The following ANK1 variants were observed in gnomAD, a reference collection of about 807,000 sequenced individuals.
ANK1 encodes the protein ankyrin-1.
In ANK1, 51 loss-of-function variants were observed where a neutral mutation model predicts 210.4. The ratio of observed to expected loss-of-function variants is 0.24; its 90% CI spans 0.19 to 0.31. ANK1 has a LOEUF of 0.31. ANK1 is among the 10% of genes least tolerant of loss of function. The pLI is 1.00. For synonymous variants in ANK1, 967 were observed against 1,025.9 expected, an observed-to-expected ratio of 0.94 and a Z score of 1.10; for missense variants, 2,051 against 2,504.4, an observed-to-expected ratio of 0.82 and a Z score of 3.86.
chr8:41,684,440 G>C, intron 37 of ANK1, 104 bp downstream of exon 37: 1 of 1,538,178 alleles, frequency 6.5e-7, no homozygotes, highest in Non-Finnish European at 8.9e-7. Context: ...ATGGGAGGCA[G>C]AGCGGGCTTT....
In ANK1 at chr8:41,700,324, G is replaced by T. The variant is rs1822390658; in HGVS notation, c.2462-776C>A. The stretch of plus-strand genomic sequence containing the variant: ...AGCTCCTGGCTCCAGCTTATTAGCT[G>T]TCAGAGGAAGATGGAAAGCAGGAAT... On this transcript the variant is annotated intron_variant, in intron 22 of 42. Coordinates refer to ENST00000289734, the MANE Select transcript of ANK1 (RefSeq NM_000037.4). 11 of 1,265,190 alleles carry T rather than the reference G, an allele frequency of 8.7e-6. No individual in the cohort carries two copies. In the South Asian group the frequency reaches 1.4e-4, roughly 16 times the overall value. The allele number at this position is 1,265,190 out of a possible 1,614,324, so 78.4% of individuals were successfully genotyped here.
At chr8:41,838,418 A>G (rs754688138) in intron 1 of ANK1, among the ~76,000 whole-genome samples, 4 of 152,226 alleles carry the variant, frequency 2.6e-5, no homozygotes, top group Non-Finnish European at 5.9e-5. Flanking sequence ...ATTAATAGTA[A>G]GCACTTACCG....
chr8:41,710,097 T>C (rs1426086559), intron 16 of ANK1, among the ~76,000 whole-genome samples: 2 of 151,822 alleles, frequency 1.3e-5, no homozygotes, highest in African/African-American at 4.8e-5. Context: ...ATTATTATTA[T>C]TGATAGCAAG....
Position 41,654,131 on chromosome 8 carries a change from G to A in ANK1, c.*1659C>T, listed in dbSNP as rs1346139658. 1 of 152,530 alleles carries A rather than the reference G, an allele frequency of 6.6e-6. No homozygotes were observed. Among genetic ancestry groups the A allele is most frequent in the Non-Finnish European group, 1.5e-5 (1 of 68,008 alleles). The allele number at this position is 152,530 out of a possible 1,614,324, so 9.4% of individuals were successfully genotyped here. On this transcript the variant is annotated 3_prime_UTR_variant, in exon 43 of 43. Transcript: ENST00000289734. ...GTCCACACCGCGGCTCCAGGGGCGA[G>A]AGGAGCCAGCCCTGTCTCTCTCTCC...
chr8:41,680,042 C>T (rs1456666414), intron 37 of ANK1, among the ~76,000 whole-genome samples: 1 of 152,062 alleles, frequency 6.6e-6, no homozygotes, highest in Non-Finnish European at 1.5e-5. Context: ...ATATTCAGTC[C>T]CTGTTATCCT....
intron 2 of ANK1, among the ~76,000 whole-genome samples, chr8:41,753,438 A>T (rs1382590134): frequency 1.3e-5 from 2 of 151,326 alleles, no homozygotes; most frequent in Non-Finnish European, 2.9e-5. Flanking sequence ...CCTTCCCCTC[A>T]GTCAGCAACT....
At chr8:41,808,532 G>A (rs1464430212) in intron 1 of ANK1, among the ~76,000 whole-genome samples, 1 of 152,034 alleles carries the variant, frequency 6.6e-6, no homozygotes, top group Non-Finnish European at 1.5e-5. Context: ...AGGTGTGGTG[G>A]CGGCCACCTG....
chr8:41,737,483 C>G lies in ANK1; in HGVS notation c.130-3414G>C, dbSNP rs1833718514. On this transcript the variant is annotated intron_variant, in intron 2 of 42. Coordinates refer to ENST00000289734, the MANE Select transcript of ANK1 (RefSeq NM_000037.4). ...ATCTGCAGAAAACCCCCTTTCTTCTCTTCCTGGGTCCCATGCCTCCCTCGC... is the reference window on the plus strand; with the variant it reads ...ATCTGCAGAAAACCCCCTTTCTTCTGTTCCTGGGTCCCATGCCTCCCTCGC... 2.6e-5 allele frequency among the ~76,000 whole-genome samples: 4 copies of G among 152,196 alleles called. No individual in the cohort carries two copies. In the South Asian group the frequency reaches 8.3e-4, roughly 32 times the overall value.
In ANK1 at chr8:41,717,583, C is replaced by T. The variant is rs1432243965; in HGVS notation, c.1305+21G>A. On this transcript the variant is annotated intron_variant, in intron 12 of 42. Coordinates refer to ENST00000289734, the MANE Select transcript of ANK1 (RefSeq NM_000037.4). ...AGCTCTTGGTCTAGGGGAGCAAGCC[C>T]CTGCCTGCCTGAGGGCTTACCACGT... The T allele has an allele frequency of 1.3e-5, 20 of 1,548,196 alleles. No homozygotes were observed. In the Admixed American group the frequency reaches 3.5e-4, roughly 27 times the overall value.
intron 1 of ANK1, among the ~76,000 whole-genome samples, chr8:41,880,398 G>C (rs1476013985): frequency 6.6e-6 from 1 of 152,200 alleles, no homozygotes; most frequent in Non-Finnish European, 1.5e-5. Context: ...AATTATTTCT[G>C]TTTAATAAAG....
At chr8:41,715,557 G>A in intron 14 of ANK1, 95 bp downstream of exon 14, 1 of 1,471,762 alleles carries the variant, frequency 6.8e-7, no homozygotes, top group Non-Finnish European at 9.3e-7. Flanking sequence ...CATCATTGAG[G>A]TGACAAAGAG....
At chr8:41,803,336 C>A (rs6999814) in intron 1 of ANK1, 120,734 of 152,074 alleles carry the variant, frequency 0.79, 48,998 homozygotes, top group African/African-American at 0.9. Context: ...ATGAGGTCTC[C>A]TAGTTTGTCC....
At chr8:41,896,578 C>A in exon 1 of ANK1, 1 of 1,429,960 alleles carries the variant, frequency 7.0e-7, no homozygotes, top group Non-Finnish European at 9.2e-7. Context: ...GTCTCTGCTC[C>A]ACAGAGGGGA....
intron 37 of ANK1, among the ~76,000 whole-genome samples, chr8:41,684,072 CT>C (rs1205012587): frequency 1.3e-5 from 2 of 152,364 alleles, no homozygotes; most frequent in Non-Finnish European, 2.9e-5. Context: ...TCCAGTTAAA[CT>C]GCACTAGACC....
chr8:41,772,737 G>A (rs1156805793), intron 1 of ANK1, among the ~76,000 whole-genome samples: 1 of 152,224 alleles, frequency 6.6e-6, no homozygotes, highest in Admixed American at 6.5e-5. Context: ...GCAGTGTCCT[G>A]CTGCTGGCTG....
chr8:41,705,690 T>C (rs534053493), intron 18 of ANK1, among the ~76,000 whole-genome samples: 1 of 152,346 alleles, frequency 6.6e-6, no homozygotes, highest in East Asian at 1.9e-4. Context: ...TCTTCCTTCC[T>C]GTCCCTAGCA....
Position 41,689,650 on chromosome 8 carries a change from A to T in ANK1, c.4104+577T>A, listed in dbSNP as rs1755665435. On this transcript the variant is annotated intron_variant, in intron 33 of 42. Coordinates refer to ENST00000289734, the MANE Select transcript of ANK1 (RefSeq NM_000037.4). The stretch of plus-strand genomic sequence containing the variant: ...TCCAAAGTCCCCAGCAGAGGTGGTG[A>T]CTGGGATACTCTTACAGGTATCGAC... Among the ~76,000 whole-genome samples, 5 of 152,260 alleles carry T rather than the reference A, an allele frequency of 3.3e-5. No homozygotes were observed. In the South Asian group the frequency reaches 1.0e-3, roughly 32 times the overall value.
intron 1 of ANK1, among the ~76,000 whole-genome samples, chr8:41,848,877 T>C (rs981322115): frequency 2.6e-4 from 40 of 152,280 alleles, no homozygotes; most frequent in African/African-American, 9.6e-4. Context: ...CATTCCCCAC[T>C]GCAGGGAACG....
At position 41,672,417 on chromosome 8, in the gene ANK1, C is replaced by A. The variant is rs1035590521; in HGVS notation, c.5033G>T (p.Arg1678Met). ...NEVSLVSGHQ[R>M]GQARITHSPT... is the part of the protein sequence containing the mutation. ...GGAATGTGTGATTCGGGCTTGCCCC[C>A]TCTGATGGCCTGAAACAAGAGACAC... The change falls in exon 38 of 43, where the codon AGG becomes ATG. Residue 1678 changes from arginine (R) to methionine (M), a missense_variant. Coordinates refer to ENST00000289734, the MANE Select transcript of ANK1 (RefSeq NM_000037.4). 10 of 1,614,126 alleles carry A rather than the reference C, an allele frequency of 6.2e-6. No homozygotes were observed. Among genetic ancestry groups the A allele is most frequent in the Non-Finnish European group, 8.5e-6 (10 of 1,180,058 alleles).
Sources: allele counts gnomAD v4.1 joint callset (sites outside exome capture counted in the v4.1 genomes callset), GRCh38; gene constraint gnomAD v4.1.1; transcripts MANE v1.5; gene names NCBI Gene and HGNC (gene_info 2026-07-23, HGNC 2026-07-21).